Variants in LMNTD1 observed in about 807,000 individuals in gnomAD.
The protein encoded by LMNTD1 is lamin tail domain-containing protein 1.
LMNTD1 carries 35 observed loss-of-function variants against 50.9 expected under a neutral mutation model. That is an observed-to-expected ratio of 0.69 (90% CI 0.53 to 0.91). The LOEUF (loss-of-function observed/expected upper bound fraction) is 0.91, where lower values mean the gene tolerates loss of function less well. LMNTD1 is among the 40% of genes least tolerant of loss of function. The pLI, the probability that LMNTD1 is intolerant of heterozygous loss-of-function variation, is 0.00. For missense variants in LMNTD1, 470 were observed against 475.5 expected (o/e 0.99, Z 0.11); for synonymous variants, 153 against 161.9 (o/e 0.94, Z 0.42).
At chr12:25,502,709 AT>A (rs1285004406) in intron 9 of LMNTD1, among the ~76,000 whole-genome samples, 4 of 152,286 alleles carry the variant, frequency 2.6e-5, no homozygotes, top group African/African-American at 9.6e-5. Context: ...TGGCTATCAC[AT>A]TTTCAGGAAG....
chr12:25,646,060 T>G (rs761120162), intron 1 of LMNTD1, among the ~76,000 whole-genome samples: 6 of 152,088 alleles, frequency 3.9e-5, no homozygotes, highest in Non-Finnish European at 8.8e-5. Flanking sequence ...GATGATAGGA[T>G]TGAAGTCCTG....
intron 1 of LMNTD1, among the ~76,000 whole-genome samples, chr12:25,605,654 G>T (rs1946082552): frequency 6.6e-6 from 1 of 152,172 alleles, no homozygotes; most frequent in South Asian, 2.1e-4. Flanking sequence ...GATAGTTGTA[G>T]ATATGTGGCA....
chr12:25,560,058 T>G (rs1359967865), intron 1 of LMNTD1, among the ~76,000 whole-genome samples: 1 of 152,238 alleles, frequency 6.6e-6, no homozygotes, highest in Non-Finnish European at 1.5e-5. Context: ...TAGATCCCAT[T>G]TGTCAATTTT....
intron 9 of LMNTD1, among the ~76,000 whole-genome samples, chr12:25,492,089 C>T (rs73074337): frequency 0.024 from 3,584 of 152,252 alleles, 86 homozygotes; most frequent in East Asian, 0.13. Context: ...GGATCTTGAA[C>T]AGTAATGTGA....
chr12:25,519,587 C>CA (rs58304861), intron 7 of LMNTD1, among the ~76,000 whole-genome samples: 1,815 of 94,586 alleles, frequency 0.019, 136 homozygotes, highest in African/African-American at 0.083. Flanking sequence ...GACTCTGTCT[C>CA]AAAAAAAAAA....
At chr12:25,511,767 A>G (rs1940315816) in intron 8 of LMNTD1, among the ~76,000 whole-genome samples, 1 of 152,192 alleles carries the variant, frequency 6.6e-6, no homozygotes, top group Non-Finnish European at 1.5e-5. Flanking sequence ...TCTAACATCT[A>G]GTCCTTACCA....
chr12:25,524,944 G>C, intron 6 of LMNTD1, among the ~76,000 whole-genome samples: 1 of 152,082 alleles, frequency 6.6e-6, no homozygotes, highest in East Asian at 1.9e-4. Context: ...TGGCTCTTAA[G>C]AAATTAGCCA....
chr12:25,637,349 G>A (rs1210637040), intron 1 of LMNTD1, among the ~76,000 whole-genome samples: 1 of 151,920 alleles, frequency 6.6e-6, no homozygotes, highest in Non-Finnish European at 1.5e-5. Context: ...AGTAAACCAA[G>A]TTTACAGAAT....
At position 25,516,974 on chromosome 12, in the gene LMNTD1, C is replaced by A. The variant is rs572139915; in HGVS notation, c.1189+1821G>T. Among the ~76,000 whole-genome samples, 11 of 150,050 alleles carry A rather than the reference C, an allele frequency of 7.3e-5. 1 individual carries two copies. The East Asian group carries it at 2.1e-3, about 29-fold the overall frequency. ...ATGAAAAAATGCTCACCATCACTGG[C>A]CATCAGAGAAATGCAAATTAAAACC... On this transcript the variant is annotated intron_variant, in intron 8 of 9. Transcript: ENST00000458174.
chr12:25,584,320 G>T (rs1485348968), intron 1 of LMNTD1, among the ~76,000 whole-genome samples: 1 of 152,154 alleles, frequency 6.6e-6, no homozygotes, highest in Non-Finnish European at 1.5e-5. Flanking sequence ...TTGACCCAAG[G>T]TTGTCTTGCT....
chr12:25,629,608 T>TA (rs1946669280), intron 1 of LMNTD1, among the ~76,000 whole-genome samples: 1 of 152,142 alleles, frequency 6.6e-6, no homozygotes, highest in Non-Finnish European at 1.5e-5. Context: ...AGGCAGACTG[T>TA]AAAAACAAAG....
At chr12:25,587,493 A>C (rs1357037877) in intron 1 of LMNTD1, among the ~76,000 whole-genome samples, 3 of 152,210 alleles carry the variant, frequency 2.0e-5, no homozygotes, top group African/African-American at 7.2e-5. Context: ...CTTTTAAGCA[A>C]CCAGATCTTG....
intron 7 of LMNTD1, 147 bp downstream of exon 7, chr12:25,519,711 G>C: frequency 1.7e-6 from 1 of 584,970 alleles, no homozygotes; most frequent in Non-Finnish European, 3.0e-6. Context: ...CTTTTCCTAT[G>C]AGTTCTATTC....
intron 1 of LMNTD1, among the ~76,000 whole-genome samples, chr12:25,645,273 T>G (rs74070591): frequency 0.017 from 2,564 of 152,282 alleles, 68 homozygotes; most frequent in African/African-American, 0.058. Context: ...GGTCATGAAT[T>G]GTAAGCTGGG....
chr12:25,567,488 T>C (rs1944600946), intron 1 of LMNTD1, among the ~76,000 whole-genome samples: 2 of 152,244 alleles, frequency 1.3e-5, no homozygotes, highest in South Asian at 4.1e-4. Flanking sequence ...AATGATGTGA[T>C]ATGGCTTGGA....
intron 1 of LMNTD1, among the ~76,000 whole-genome samples, chr12:25,582,069 C>T (rs1246250623): frequency 6.6e-6 from 1 of 152,178 alleles, no homozygotes; most frequent in Non-Finnish European, 1.5e-5. Context: ...ATCATGGGTC[C>T]CACAGCCAAC....
At chr12:25,555,502 T>C (rs1944003852), upstream of LMNTD1, among the ~76,000 whole-genome samples, 1 of 152,176 alleles carries the variant, frequency 6.6e-6, no homozygotes, top group African/African-American at 2.4e-5. Context: ...CTGTAGAAAT[T>C]TATAAGACAG....
upstream of LMNTD1, among the ~76,000 whole-genome samples, chr12:25,557,652 T>C (rs1424411838): frequency 6.6e-6 from 1 of 152,220 alleles, no homozygotes; most frequent in African/African-American, 2.4e-5. Context: ...GAACACTATA[T>C]TCTGTATAGT....
exon 1 of LMNTD1, chr12:25,648,496 T>C: frequency 1.9e-6 from 3 of 1,551,296 alleles, no homozygotes; most frequent in Non-Finnish European, 2.6e-6. Flanking sequence ...TCACTTACTG[T>C]GGTGGGTCTG....
Sources: allele counts gnomAD v4.1 joint callset (sites outside exome capture counted in the v4.1 genomes callset), GRCh38; gene constraint gnomAD v4.1.1; transcripts MANE v1.5; gene names NCBI Gene and HGNC (gene_info 2026-07-23, HGNC 2026-07-21).